Variants in PRKCH observed in about 807,000 individuals in gnomAD.
PRKCH encodes the protein protein kinase C eta, also known as protein kinase C eta type.
Under a neutral mutation model 82.5 loss-of-function variants are expected in PRKCH, and 28 were observed. That is an observed-to-expected ratio of 0.34 (90% confidence interval 0.25 to 0.47). The LOEUF is 0.47. Among genes scored for constraint, PRKCH ranks in the 20% least tolerant of loss-of-function variants. The pLI is 1.00. For missense variants in PRKCH, 705 were observed against 881.8 expected, an observed-to-expected ratio of 0.80 and a Z score of 2.54; for synonymous variants, 322 against 327.4, an observed-to-expected ratio of 0.98 and a Z score of 0.18.
intron 1 of PRKCH, among the ~76,000 whole-genome samples, chr14:61,248,541 G>C (rs887079546): frequency 3.3e-5 from 5 of 152,124 alleles, no homozygotes; most frequent in Non-Finnish European, 7.3e-5. Flanking sequence ...TACCATCTGA[G>C]GGGGCCTGAA....
intron 2 of PRKCH, among the ~76,000 whole-genome samples, chr14:61,398,516 G>C (rs958766519): frequency 3.3e-5 from 5 of 152,216 alleles, no homozygotes; most frequent in African/African-American, 1.2e-4. Context: ...AATGAAGTTT[G>C]CTTGGACTCA....
At chr14:61,334,504 C>G (rs2045829001) in intron 1 of PRKCH, among the ~76,000 whole-genome samples, 1 of 152,054 alleles carries the variant, frequency 6.6e-6, no homozygotes, top group Admixed American at 6.5e-5. Context: ...TCAGCTGAGG[C>G]CTGACTGACA....
chr14:61,432,265 A>G (rs1275854106), intron 2 of PRKCH, among the ~76,000 whole-genome samples: 6 of 152,060 alleles, frequency 3.9e-5, no homozygotes, highest in African/African-American at 1.2e-4. Context: ...TTGAAGCTCC[A>G]TTAACTAGAT....
At position 61,450,865 on chromosome 14, in the gene PRKCH, C is replaced by T. The variant is rs1473262327; in HGVS notation, c.726C>T (p.Ile242=). Residue 242 remains isoleucine (I), a synonymous_variant, in exon 6 of 14, where the codon ATC becomes ATT. Coordinates refer to ENST00000332981, the MANE Select transcript of PRKCH (RefSeq NM_006255.5). ...DSKIAEQRFG[I]NIPHKFSIHN... Reference sequence around the variant, plus strand: ...AGATTGCAGAACAGAGGTTCGGGATCAACATCCCACACAAGTTCAGCATCC... The same window carrying T: ...AGATTGCAGAACAGAGGTTCGGGATTAACATCCCACACAAGTTCAGCATCC... 6.2e-7 allele frequency: 1 copy of T among 1,613,826 alleles called. No homozygotes were observed. The highest frequency in any genetic ancestry group is 1.1e-5 in the South Asian group (1 of 90,984).
chr14:61,237,295 A>G (rs1429170141), intron 1 of PRKCH, among the ~76,000 whole-genome samples: 2 of 152,046 alleles, frequency 1.3e-5, no homozygotes, highest in Non-Finnish European at 2.9e-5. Flanking sequence ...GTATAGCATC[A>G]CATGACAGAT....
At chr14:61,305,226 A>C (rs1369326355) in intron 1 of PRKCH, 1 of 151,982 alleles carries the variant, frequency 6.6e-6, no homozygotes, top group East Asian at 1.9e-4. Flanking sequence ...TCTGTCCAGC[A>C]CGGGCTGGAG....
At chr14:61,448,062 C>G (rs1884309824) in intron 4 of PRKCH, among the ~76,000 whole-genome samples, 1 of 152,106 alleles carries the variant, frequency 6.6e-6, no homozygotes, top group African/African-American at 2.4e-5. Flanking sequence ...AGGAAAAAAC[C>G]AAATACCTCA....
intron 1 of PRKCH, among the ~76,000 whole-genome samples, chr14:61,323,236 T>TC (rs2045654268): frequency 6.6e-6 from 1 of 152,160 alleles, no homozygotes; most frequent in Admixed American, 6.5e-5. Context: ...CCCGCAGCTC[T>TC]CCCCTTGCCT....
intron 9 of PRKCH, among the ~76,000 whole-genome samples, chr14:61,483,115 G>A (rs1886057469): frequency 6.6e-6 from 1 of 152,202 alleles, no homozygotes; most frequent in African/African-American, 2.4e-5. Flanking sequence ...GTGGCTTTTT[G>A]TCTTAGTCTT....
intron 7 of PRKCH, among the ~76,000 whole-genome samples, chr14:61,455,440 G>A (rs1884721565): frequency 6.6e-6 from 1 of 152,180 alleles, no homozygotes; most frequent in South Asian, 2.1e-4. Context: ...TAGATGAATG[G>A]GTTTCATCAA....
chr14:61,450,529 G>C (rs568486629), intron 5 of PRKCH, among the ~76,000 whole-genome samples: 2 of 152,336 alleles, frequency 1.3e-5, no homozygotes, highest in South Asian at 2.1e-4. Flanking sequence ...ATAGATGGGG[G>C]TGTTAGGGGA....
chr14:61,422,532 G>C (rs1882892935), intron 2 of PRKCH, among the ~76,000 whole-genome samples: 1 of 152,064 alleles, frequency 6.6e-6, no homozygotes, highest in Non-Finnish European at 1.5e-5. Context: ...CTAGTACTCT[G>C]CTGCTTAGGC....
intron 2 of PRKCH, chr14:61,442,887 A>G (rs1884043703): frequency 2.4e-6 from 1 of 417,186 alleles, no homozygotes. Flanking sequence ...GCAGTAAGCC[A>G]TGATTGAGCC....
At chr14:61,230,235 G>C (rs2044731563) in intron 1 of PRKCH, among the ~76,000 whole-genome samples, 1 of 152,108 alleles carries the variant, frequency 6.6e-6, no homozygotes, top group Admixed American at 6.5e-5. Context: ...TACGCTTCCT[G>C]TTTTGTCTTT....
At chr14:61,530,338 C>T in intron 11 of PRKCH, 69 bp from the exon 12 acceptor site, 15 of 1,391,186 alleles carry the variant, frequency 1.1e-5, no homozygotes, top group Non-Finnish European at 1.4e-5. Flanking sequence ...ATCAATTTCC[C>T]TAGTTATGAA....
At chr14:61,402,319 C>T (rs776217399) in intron 2 of PRKCH, among the ~76,000 whole-genome samples, 5 of 152,182 alleles carry the variant, frequency 3.3e-5, no homozygotes, top group Non-Finnish European at 5.9e-5. Flanking sequence ...TTTTATATTG[C>T]AACCAACTTT....
intron 1 of PRKCH, among the ~76,000 whole-genome samples, chr14:61,267,493 C>A (rs911135001): frequency 6.6e-6 from 1 of 152,306 alleles, no homozygotes; most frequent in South Asian, 2.1e-4. Context: ...CCCTCAGCTA[C>A]CCTTCTTGTG....
chr14:61,415,172 C>T (rs1882489052), intron 2 of PRKCH, among the ~76,000 whole-genome samples: 1 of 152,230 alleles, frequency 6.6e-6, no homozygotes, highest in Non-Finnish European at 1.5e-5. Flanking sequence ...TGAACACACA[C>T]ATTTTCCCCA....
intron 1 of PRKCH, among the ~76,000 whole-genome samples, chr14:61,287,171 C>G (rs1418671719): frequency 7.9e-6 from 1 of 126,504 alleles, no homozygotes; most frequent in Non-Finnish European, 1.6e-5. Flanking sequence ...CACCACTGCA[C>G]TTCAGCCTGA....
Sources: allele counts gnomAD v4.1 joint callset (sites outside exome capture counted in the v4.1 genomes callset), GRCh38; gene constraint gnomAD v4.1.1; transcripts MANE v1.5; gene names NCBI Gene and HGNC (gene_info 2026-07-23, HGNC 2026-07-21).